MAVS: variants seen among roughly 807,000 people sequenced by gnomAD.
MAVS encodes mitochondrial antiviral-signaling protein.
Under a neutral mutation model 30.2 loss-of-function variants are expected in MAVS, and 20 were observed. That is an observed-to-expected ratio of 0.66 (90% CI 0.47 to 0.96). The LOEUF is 0.96. MAVS is among the 40% of genes least tolerant of loss of function. The probability of loss-of-function intolerance (pLI) is 0.00; values close to 1 mark genes in which losing one functional copy is unlikely to be tolerated. For synonymous variants in MAVS, 278 were observed against 293.9 expected, an observed-to-expected ratio of 0.95 and a Z score of 0.55; for missense variants, 624 against 701.1, an observed-to-expected ratio of 0.89 and a Z score of 1.24.
intron 1 of MAVS, among the ~76,000 whole-genome samples, chr20:3,847,310 A>G (rs1344362636): frequency 6.6e-6 from 1 of 151,710 alleles, no homozygotes; most frequent in Non-Finnish European, 1.5e-5. Context: ...CTGGGTCTGG[A>G]CAGTTCTCGG....
At position 3,864,265 on chromosome 20, in the gene MAVS, C is replaced by G. The variant is rs750538258; in HGVS notation, c.635C>G (p.Ser212Cys). Residue 212 changes from serine (S) to cysteine (C), a missense_variant, in exon 6 of 7, where the codon TCC (serine) becomes TGC (cysteine). By Grantham distance (112) the Ser-to-Cys change is moderately radical (BLOSUM62 -1). Transcript: ENST00000428216. The stretch of plus-strand genomic sequence containing the variant: ...GTTTTTCCACCGGCAGGTGCGACCT[C>G]CAGCCTCACACCATCCCGTGGGCCT... ...LGSTHTAGAT[S>C]SLTPSRGPVS... is the part of the protein sequence containing the mutation. 22 of 1,605,566 alleles carry G rather than the reference C, an allele frequency of 1.4e-5. No homozygotes were observed. The highest frequency in any genetic ancestry group is 1.7e-5 in the Non-Finnish European group (20 of 1,175,214).
intron 3 of MAVS, among the ~76,000 whole-genome samples, chr20:3,859,947 G>A (rs1170244377): frequency 6.7e-6 from 1 of 149,488 alleles, no homozygotes; most frequent in Non-Finnish European, 1.5e-5. Flanking sequence ...CTCCCGAGTA[G>A]CTGGGACTAC....
At chr20:3,854,891 CTTT>C (rs61256246) in intron 2 of MAVS, 150 bp downstream of exon 2, 1,308 of 302,640 alleles carry the variant, frequency 4.3e-3, no homozygotes, top group South Asian at 5.6e-3. Context: ...TGCTGCTTTT[CTTT>C]TTTTTTTTTT....
Position 3,849,862 on chromosome 20 carries a change from T to A in MAVS, c.-68+2959T>A, listed in dbSNP as rs1377526220. ...GTGGCATAGACCTTGTCTCTTTTAT[T>A]CCCTGCAGCACTCCCTGATGGGGGC... On this transcript the variant is annotated intron_variant, in intron 1 of 6. Coordinates refer to ENST00000428216, the MANE Select transcript of MAVS (RefSeq NM_020746.5). Among the ~76,000 whole-genome samples the A allele has an allele frequency of 2.0e-5, 3 of 152,198 alleles. No homozygotes were observed. The East Asian group carries it at 5.8e-4, about 29-fold the overall frequency.
chr20:3,869,592 C>G lies in MAVS; in HGVS notation c.*3445C>G, dbSNP rs916873765. 1 of 151,642 alleles carries G rather than the reference C, an allele frequency of 6.6e-6. No individual in the cohort carries two copies. Among genetic ancestry groups the G allele is most frequent in the East Asian group, 1.9e-4 (1 of 5,152 alleles). 9.4% of individuals were successfully genotyped at this position (151,642 alleles called of 1,614,324 possible). On this transcript the variant is annotated 3_prime_UTR_variant, in exon 7 of 7. Transcript: ENST00000428216. ...CAGATGTGAGACACTGCACCCAAAC[C>G]CCACCACTTTTTTTTTTCCTTTTTC...
At chr20:3,847,817 C>T (rs547240168) in intron 1 of MAVS, among the ~76,000 whole-genome samples, 1 of 152,274 alleles carries the variant, frequency 6.6e-6, no homozygotes, top group East Asian at 1.9e-4. Flanking sequence ...TGCAGTGAGG[C>T]AGCAGGTTTT....
intron 1 of MAVS, among the ~76,000 whole-genome samples, chr20:3,847,767 G>C (rs1399720845): frequency 6.6e-6 from 1 of 152,132 alleles, no homozygotes; most frequent in Non-Finnish European, 1.5e-5. Context: ...TGTGGGTCTC[G>C]CTGCAGGGGT....
At chr20:3,854,884 T>A in intron 2 of MAVS, 143 bp downstream of exon 2, 1 of 474,334 alleles carries the variant, frequency 2.1e-6, no homozygotes, top group Non-Finnish European at 3.6e-6. Flanking sequence ...TTGTCCTTGC[T>A]GCTTTTCTTT....
intron 4 of MAVS, 76 bp from the exon 5 acceptor site, chr20:3,862,178 G>T (rs1012911979): frequency 6.5e-7 from 1 of 1,532,186 alleles, no homozygotes; most frequent in Admixed American, 1.9e-5. Context: ...TATAGGAGAT[G>T]CCCCAAGAGC....
chr20:3,861,245 G>A (rs766264974), intron 3 of MAVS, 87 bp from the exon 4 acceptor site: 5 of 1,316,570 alleles, frequency 3.8e-6, no homozygotes, highest in Non-Finnish European at 5.3e-6. Context: ...TGCCTGCCTT[G>A]GCCTCCCAAA....
rs1600462255 is a variant in MAVS, at chr20:3,873,866, A to AAAAGCC, written c.*7720_*7725dup. The AAAAGCC allele has an allele frequency of 2.7e-6, 1 of 372,280 alleles. No homozygotes were observed. Among genetic ancestry groups the AAAAGCC allele is most frequent in the East Asian group, 3.8e-5 (1 of 26,022 alleles). The allele number at this position is 372,280 out of a possible 1,614,324, so 23.1% of individuals were successfully genotyped here. ...TGTTGGAAAACTGGCAGTATCTACC[A>AAAAGCC]AAAGCCGAACATACGTATAAACTGA... is the stretch of plus-strand genomic sequence containing the variant. On this transcript the variant is annotated 3_prime_UTR_variant, in exon 7 of 7. Transcript: ENST00000428216.
intron 4 of MAVS, 140 bp downstream of exon 4, chr20:3,861,644 G>A (rs2089868316): frequency 1.1e-6 from 1 of 941,298 alleles, no homozygotes; most frequent in South Asian, 1.8e-5. Flanking sequence ...GGCTTCCTCA[G>A]TGGGGATCTG....
chr20:3,861,299 C>T (rs1209031373), intron 3 of MAVS, 33 bp from the exon 4 acceptor site: 2 of 1,578,358 alleles, frequency 1.3e-6, no homozygotes, highest in Non-Finnish European at 1.7e-6. Flanking sequence ...AGCCCTGATT[C>T]CTTCTTGATA....
chr20:3,847,000 C>G (rs1166754799), intron 1 of MAVS, 97 bp downstream of exon 1: 2 of 152,502 alleles, frequency 1.3e-5, no homozygotes, highest in Non-Finnish European at 2.9e-5. Context: ...TCCGCCGGGA[C>G]GCCCTGGGTC....
intron 1 of MAVS, among the ~76,000 whole-genome samples, chr20:3,854,184 G>A (rs2089788985): frequency 6.6e-6 from 1 of 151,862 alleles, no homozygotes; most frequent in South Asian, 2.1e-4. Flanking sequence ...AAACTTGGGA[G>A]GCCGAGGCGG....
chr20:3,854,592 G>T lies in MAVS; in HGVS notation c.-33G>T. 10 of 1,508,402 alleles carry T rather than the reference G, an allele frequency of 6.6e-6. No homozygotes were observed. Among genetic ancestry groups the T allele is most frequent in the Non-Finnish European group, 8.3e-6 (9 of 1,087,690 alleles). The allele number at this position is 1,508,402 out of a possible 1,614,324, so 93.4% of individuals were successfully genotyped here. A position where few individuals can be genotyped will look rare whatever the true frequency, so the allele number is the denominator to read the frequency against. On this transcript the variant is annotated 5_prime_UTR_variant, in exon 2 of 7. Transcript: ENST00000428216. Reference sequence around the variant, plus strand: ...CTCTCAGTCCATCCACCCTTCATGGGGCCAGAGCCCTCTCTCCAGAATCTG... The same window carrying T: ...CTCTCAGTCCATCCACCCTTCATGGTGCCAGAGCCCTCTCTCCAGAATCTG...
At position 3,864,244 on chromosome 20, in the gene MAVS, TTCCACCG is replaced by T; in HGVS notation, c.626-11_626-5del. The T allele has an allele frequency of 6.3e-7, 1 of 1,591,950 alleles. No homozygotes were observed. The highest frequency in any genetic ancestry group is 8.6e-7 in the Non-Finnish European group (1 of 1,168,950). On this transcript the variant is annotated splice_polypyrimidine_tract_variant and splice_region_variant and intron_variant, in intron 5 of 6. Transcript: ENST00000428216. ...TGGGTCTGTGTTTCCACTTGTGTTT[TTCCACCG>T]GCAGGTGCGACCTCCAGCCTCACAC... is the stretch of plus-strand genomic sequence containing the variant.
At chr20:3,857,320 C>A (rs2089820115) in intron 2 of MAVS, among the ~76,000 whole-genome samples, 1 of 152,194 alleles carries the variant, frequency 6.6e-6, no homozygotes, top group Non-Finnish European at 1.5e-5. Context: ...TTTGCTTCTG[C>A]TAAGCCTCAG....
At position 3,857,795 on chromosome 20, in the gene MAVS, A is replaced by G. The variant is rs144883420; in HGVS notation, c.278A>G (p.Gln93Arg). 1.2e-5 allele frequency: 20 copies of G among 1,614,044 alleles called. No individual in the cohort carries two copies. The highest frequency in any genetic ancestry group is 1.7e-5 in the Non-Finnish European group (20 of 1,180,022). ...DLADEVASVY[Q>R]SYQPRTSDRP... ...GCGGACGAAGTGGCCTCTGTCTACC[A>G]GAGCTACCAGCCTCGTGAGCGTCCT... The change falls in exon 3 of 7, where the codon CAG (glutamine) becomes CGG (arginine). Residue 93 changes from glutamine to arginine, a missense_variant. Transcript: ENST00000428216.
Sources: gnomAD v4.1 joint callset for allele counts (sites outside exome capture counted in the v4.1 genomes callset) on GRCh38, gnomAD v4.1.1 for gene constraint, MANE v1.5 for transcripts, NCBI Gene and HGNC (gene_info 2026-07-23, HGNC 2026-07-21) for gene names.